The following CCNY variants were observed in gnomAD, a reference collection of about 807,000 sequenced individuals.
CCNY encodes cyclin-Y.
Under a neutral mutation model 42.8 loss-of-function variants are expected in CCNY, and 19 were observed. The observed-to-expected ratio is 0.44, with a 90% CI of 0.31 to 0.65. The LOEUF is 0.65. Among genes scored for constraint, CCNY ranks in the 30% least tolerant of loss-of-function variants. The pLI is 0.07. For missense variants in CCNY, 370 were observed against 437.3 expected, an observed-to-expected ratio of 0.85 and a Z score of 1.37; for synonymous variants, 165 against 162.7, an observed-to-expected ratio of 1.01 and a Z score of -0.11.
intron 2 of CCNY, among the ~76,000 whole-genome samples, chr10:35,487,327 G>A (rs866134313): frequency 8.5e-5 from 13 of 152,216 alleles, no homozygotes; most frequent in African/African-American, 3.1e-4. Flanking sequence ...CAGTAGTTTA[G>A]ATTTGATTTG....
At chr10:35,347,993 C>T (rs563824867) in intron 1 of CCNY, among the ~76,000 whole-genome samples, 2 of 152,298 alleles carry the variant, frequency 1.3e-5, no homozygotes, top group South Asian at 4.1e-4. Context: ...ACATATTTAT[C>T]AAGGATTCCT....
chr10:35,308,806 C>CA (rs902464227), intron 3 of CCNY, among the ~76,000 whole-genome samples: 1 of 151,868 alleles, frequency 6.6e-6, no homozygotes, highest in Non-Finnish European at 1.5e-5. Flanking sequence ...AGAGTCGGGG[C>CA]AAAAAGAACA....
intron 1 of CCNY, among the ~76,000 whole-genome samples, chr10:35,447,574 T>C (rs1838820831): frequency 6.6e-6 from 1 of 152,180 alleles, no homozygotes; most frequent in African/African-American, 2.4e-5. Flanking sequence ...AACCCTAAAA[T>C]AATATAAATA....
Position 35,562,880 on chromosome 10 carries a change from A to G in CCNY, c.747-3143A>G, listed in dbSNP as rs1027685039. Among the ~76,000 whole-genome samples the G allele has an allele frequency of 7.1e-5, 4 of 56,574 alleles. No homozygotes were observed. In the South Asian group the frequency reaches 1.4e-3, roughly 19 times the overall value. 37.1% of individuals were successfully genotyped at this position (56,574 alleles called of 152,430 possible). A position where few individuals can be genotyped will look rare whatever the true frequency, so the allele number is the denominator to read the frequency against. ...TAGATGATTAAAACAGCTCTTTTTAACATCATTTTAGAGTTCTATTTTCAA... is the reference window on the plus strand; with the variant it reads ...TAGATGATTAAAACAGCTCTTTTTAGCATCATTTTAGAGTTCTATTTTCAA... On this transcript the variant is annotated intron_variant, in intron 8 of 9. Transcript: ENST00000374704.
At chr10:35,274,855 C>T (rs568657287) in intron 3 of CCNY, among the ~76,000 whole-genome samples, 8 of 152,102 alleles carry the variant, frequency 5.3e-5, no homozygotes, top group African/African-American at 1.4e-4. Flanking sequence ...AGCTGCCACA[C>T]GGGCACAGCA....
chr10:35,524,823 C>T lies in CCNY; in HGVS notation c.366-1141C>T, dbSNP rs1840619504. Among the ~76,000 whole-genome samples the T allele has an allele frequency of 2.0e-5, 3 of 152,194 alleles. No individual in the cohort carries two copies. The South Asian group carries it at 6.2e-4, about 31-fold the overall frequency. On this transcript the variant is annotated intron_variant, in intron 4 of 9. Transcript: ENST00000374704. ...TTTTTACCTGTCCAGTTGGAGACCA[C>T]TTGGTCAAAACATTCGGGTCAGTGT... is the stretch of plus-strand genomic sequence containing the variant.
At chr10:35,294,838 T>G (rs899817595) in intron 3 of CCNY, among the ~76,000 whole-genome samples, 1 of 152,244 alleles carries the variant, frequency 6.6e-6, no homozygotes, top group Non-Finnish European at 1.5e-5. Context: ...ATTTAAGTGT[T>G]TGGTAGAATT....
chr10:35,569,421 G>C lies in CCNY; in HGVS notation c.*251G>C, dbSNP rs1476289836. ...CGTGGAGGAAGTGGACTCGAATCCT[G>C]GAGGAGGAAATAAAGGGAAAGGGAA... On this transcript the variant is annotated 3_prime_UTR_variant, in exon 10 of 10. Coordinates refer to ENST00000374704, the MANE Select transcript of CCNY (RefSeq NM_145012.6). 3 of 518,558 alleles carry C rather than the reference G, an allele frequency of 5.8e-6. No homozygotes were observed. Among genetic ancestry groups the C allele is most frequent in the African/African-American group, 1.9e-5 (1 of 52,208 alleles). The allele number at this position is 518,558 out of a possible 1,614,324, so 32.1% of individuals were successfully genotyped here. A position where few individuals can be genotyped will look rare whatever the true frequency, so the allele number is the denominator to read the frequency against.
At chr10:35,516,397 T>C in intron 3 of CCNY, 126 bp from the exon 4 acceptor site, 1 of 691,476 alleles carries the variant, frequency 1.4e-6, no homozygotes, top group East Asian at 2.7e-5. Context: ...TTGGTGGTAA[T>C]GTTGACATTT....
chr10:35,445,647 C>T (rs1467061686), intron 1 of CCNY, among the ~76,000 whole-genome samples: 1 of 152,052 alleles, frequency 6.6e-6, no homozygotes, highest in African/African-American at 2.4e-5. Context: ...ACTACTTTTC[C>T]TAGGATCTTG....
intron 3 of CCNY, 139 bp from the exon 4 acceptor site, chr10:35,516,384 T>C: frequency 1.5e-6 from 1 of 679,208 alleles, no homozygotes; most frequent in Admixed American, 2.6e-5. Context: ...TTTTGTACTG[T>C]TCTTGGTGGT....
At chr10:35,315,319 T>C (rs1004042074) in intron 3 of CCNY, 6 of 152,216 alleles carry the variant, frequency 3.9e-5, no homozygotes, top group Admixed American at 3.3e-4. Context: ...TGTGTCCATG[T>C]GTTCTCATCA....
At chr10:35,480,512 G>A (rs1839644234) in intron 1 of CCNY, among the ~76,000 whole-genome samples, 2 of 152,160 alleles carry the variant, frequency 1.3e-5, no homozygotes, top group Admixed American at 1.3e-4. Context: ...ACACTGCCGA[G>A]GGGAGACTCA....
In CCNY at chr10:35,469,625, CAG is replaced by C. The variant is rs149380138; in HGVS notation, c.155-13778_155-13777del. Among the ~76,000 whole-genome samples the C allele has an allele frequency of 2.5e-3, 356 of 143,340 alleles. 1 individual carries two copies. Among genetic ancestry groups the C allele is most frequent in the African/African-American group, 8.2e-3 (318 of 38,644 alleles). 94.0% of individuals were successfully genotyped at this position (143,340 alleles called of 152,430 possible). A position where few individuals can be genotyped will look rare whatever the true frequency, so the allele number is the denominator to read the frequency against. On this transcript the variant is annotated intron_variant, in intron 1 of 9. Transcript: ENST00000374704. ...ACAGGGCAGTGGAGAGACAGATAGA[CAG>C]GGGGAGATGGAGAGTCAGACAGGGC...
chr10:35,256,775 A>C (rs1044993654), intron 3 of CCNY, among the ~76,000 whole-genome samples: 1 of 151,508 alleles, frequency 6.6e-6, no homozygotes, highest in South Asian at 2.1e-4. Flanking sequence ...CCACTCCTTT[A>C]TAGCTAGGTC....
chr10:35,466,695 A>G (rs944586162), intron 1 of CCNY, among the ~76,000 whole-genome samples: 1 of 152,214 alleles, frequency 6.6e-6, no homozygotes. Context: ...AGTGAGCAGT[A>G]GAGTGCTCAA....
intron 1 of CCNY, among the ~76,000 whole-genome samples, chr10:35,466,498 G>A (rs1839272187): frequency 6.6e-6 from 1 of 152,170 alleles, no homozygotes; most frequent in African/African-American, 2.4e-5. Context: ...GAGCTTGCCA[G>A]TCCCAGTGTT....
intron 1 of CCNY, among the ~76,000 whole-genome samples, chr10:35,451,637 T>C (rs1187695118): frequency 6.6e-6 from 1 of 152,206 alleles, no homozygotes; most frequent in Non-Finnish European, 1.5e-5. Flanking sequence ...AACAATACAG[T>C]GTTACCAGGC....
intron 3 of CCNY, among the ~76,000 whole-genome samples, chr10:35,299,421 T>G (rs2135071627): frequency 6.6e-6 from 1 of 152,360 alleles, no homozygotes; most frequent in Admixed American, 6.5e-5. Flanking sequence ...TCTGTCAGTT[T>G]TCGCTTCAAG....
Sources: gnomAD v4.1 joint callset for allele counts (sites outside exome capture counted in the v4.1 genomes callset) on GRCh38, gnomAD v4.1.1 for gene constraint, MANE v1.5 for transcripts, NCBI Gene and HGNC (gene_info 2026-07-23, HGNC 2026-07-21) for gene names.